Variants in JAKMIP2 observed in about 807,000 individuals in gnomAD.
The protein encoded by JAKMIP2 is janus kinase and microtubule-interacting protein 2.
JAKMIP2 carries 25 observed loss-of-function variants against 115.0 expected under a neutral mutation model. The ratio of observed to expected loss-of-function variants is 0.22; its 90% confidence interval spans 0.16 to 0.30. The LOEUF (loss-of-function observed/expected upper bound fraction) is 0.30. Ranked by LOEUF, JAKMIP2 falls within the 10% of genes least tolerant of loss-of-function variation. The pLI is 1.00. For missense variants in JAKMIP2, 642 were observed against 957.6 expected, an observed-to-expected ratio of 0.67 and a Z score of 4.35; for synonymous variants, 334 against 343.6, an observed-to-expected ratio of 0.97 and a Z score of 0.31.
intron 1 of JAKMIP2, among the ~76,000 whole-genome samples, chr5:147,694,503 A>T (rs189934833): frequency 6.6e-6 from 1 of 152,188 alleles, no homozygotes. Context: ...TACAGATCCT[A>T]TAATTGTCTA....
intron 4 of JAKMIP2, 21 bp downstream of exon 4, chr5:147,650,317 C>T (rs1433854597): frequency 6.7e-7 from 1 of 1,498,786 alleles, no homozygotes; most frequent in East Asian, 2.3e-5. Flanking sequence ...GCATTCTTAA[C>T]TTCAACTAGA....
At chr5:147,739,837 C>T (rs893252499) in intron 1 of JAKMIP2, among the ~76,000 whole-genome samples, 6 of 152,008 alleles carry the variant, frequency 3.9e-5, no homozygotes, top group African/African-American at 9.6e-5. Flanking sequence ...TGAAGTTAGA[C>T]TGTCTGTGAT....
At chr5:147,712,231 C>T (rs1752809621) in intron 1 of JAKMIP2, among the ~76,000 whole-genome samples, 1 of 152,174 alleles carries the variant, frequency 6.6e-6, no homozygotes, top group South Asian at 2.1e-4. Context: ...TTTCCAGCCA[C>T]TCCAGGAAAT....
chr5:147,712,006 T>A (rs938721836), intron 1 of JAKMIP2, among the ~76,000 whole-genome samples: 8 of 152,256 alleles, frequency 5.3e-5, no homozygotes, highest in Non-Finnish European at 7.3e-5. Flanking sequence ...TATACAACTT[T>A]AAACCAGTTA....
intron 1 of JAKMIP2, among the ~76,000 whole-genome samples, chr5:147,781,636 G>A (rs1328455088): frequency 1.3e-5 from 2 of 152,108 alleles, no homozygotes; most frequent in African/African-American, 4.8e-5. Flanking sequence ...GTTCCAATCG[G>A]TCACAATGAA....
chr5:147,675,018 C>T (rs910321930), intron 1 of JAKMIP2, among the ~76,000 whole-genome samples: 5 of 152,182 alleles, frequency 3.3e-5, no homozygotes, highest in East Asian at 3.8e-4. Flanking sequence ...AATTTTTAAA[C>T]GTTACTATTG....
At chr5:147,720,154 T>C (rs191541241) in intron 1 of JAKMIP2, among the ~76,000 whole-genome samples, 23 of 152,120 alleles carry the variant, frequency 1.5e-4, no homozygotes, top group Admixed American at 1.3e-4. Flanking sequence ...AATTCTTGTC[T>C]TTAAGAATGT....
In JAKMIP2 at chr5:147,587,470, A is replaced by T. The variant is rs1258815914; in HGVS notation, c.*4237T>A. The T allele has an allele frequency of 6.6e-6, 1 of 152,044 alleles. No individual in the cohort carries two copies. Among genetic ancestry groups the T allele is most frequent in the African/African-American group, 2.4e-5 (1 of 41,378 alleles). 9.4% of individuals were successfully genotyped at this position (152,044 alleles called of 1,614,324 possible). A position where few individuals can be genotyped will look rare whatever the true frequency, so the allele number is the denominator to read the frequency against. ...TGTGTGTATTCTGTGCCACTCTTTG[A>T]CAGATTGAAATAATGCAATTAAATA... On this transcript the variant is annotated 3_prime_UTR_variant, in exon 22 of 22. Coordinates refer to ENST00000616793, the MANE Select transcript of JAKMIP2 (RefSeq NM_001270941.2).
intron 1 of JAKMIP2, among the ~76,000 whole-genome samples, chr5:147,767,578 C>T (rs533497003): frequency 9.2e-5 from 14 of 152,182 alleles, no homozygotes; most frequent in Non-Finnish European, 1.3e-4. Context: ...TCATTAAGTA[C>T]TCAGTGACCT....
At chr5:147,664,720 C>T (rs916856413) in intron 2 of JAKMIP2, among the ~76,000 whole-genome samples, 2 of 152,114 alleles carry the variant, frequency 1.3e-5, no homozygotes, top group African/African-American at 4.8e-5. Flanking sequence ...GTCCTCATCA[C>T]CTCCTCTTCT....
intron 3 of JAKMIP2, among the ~76,000 whole-genome samples, chr5:147,659,404 G>C (rs118169696): frequency 5.5e-3 from 839 of 152,122 alleles, no homozygotes; most frequent in Non-Finnish European, 9.1e-3. Context: ...TGGATACCTC[G>C]ATTGGAAAAG....
At chr5:147,636,897 A>C (rs1042454737) in intron 11 of JAKMIP2, 68 bp downstream of exon 11, 20 of 863,338 alleles carry the variant, frequency 2.3e-5, no homozygotes, top group Middle Eastern at 2.2e-4. Context: ...GCCCATGCAC[A>C]GGTGAGCTAC....
intron 1 of JAKMIP2, among the ~76,000 whole-genome samples, chr5:147,676,293 G>T (rs1759959596): frequency 1.3e-5 from 2 of 152,132 alleles, no homozygotes; most frequent in Admixed American, 1.3e-4. Context: ...CCAAGATCAC[G>T]CCACTGCGCT....
chr5:147,656,371 T>C (rs925415477), intron 3 of JAKMIP2, among the ~76,000 whole-genome samples: 2 of 152,232 alleles, frequency 1.3e-5, no homozygotes, highest in African/African-American at 4.8e-5. Flanking sequence ...TGGGTGCTCC[T>C]ATATTGGGTG....
At chr5:147,715,384 A>G (rs1441777982) in intron 1 of JAKMIP2, among the ~76,000 whole-genome samples, 2 of 151,678 alleles carry the variant, frequency 1.3e-5, no homozygotes, top group East Asian at 3.9e-4. Context: ...AAAATAACCA[A>G]ACAGAAATCC....
At chr5:147,710,281 T>C (rs2126909500) in intron 1 of JAKMIP2, among the ~76,000 whole-genome samples, 1 of 152,322 alleles carries the variant, frequency 6.6e-6, no homozygotes, top group East Asian at 1.9e-4. Flanking sequence ...TTTCATATTA[T>C]AAATGCTTTA....
intron 21 of JAKMIP2, among the ~76,000 whole-genome samples, 170 bp downstream of exon 21, chr5:147,601,571 C>T (rs563368205): frequency 2.6e-4 from 39 of 152,086 alleles, no homozygotes; most frequent in African/African-American, 9.4e-4. Context: ...CCACTGTATT[C>T]CAGCCTGGGT....
At chr5:147,756,905 A>G (rs1438909172) in intron 1 of JAKMIP2, among the ~76,000 whole-genome samples, 3 of 152,178 alleles carry the variant, frequency 2.0e-5, no homozygotes, top group Non-Finnish European at 4.4e-5. Flanking sequence ...TGTGTTCTGT[A>G]AACTGTGCTA....
At chr5:147,646,493 A>G (rs1177104123) in intron 5 of JAKMIP2, among the ~76,000 whole-genome samples, 1 of 152,120 alleles carries the variant, frequency 6.6e-6, no homozygotes, top group African/African-American at 2.4e-5. Flanking sequence ...CATAAAGAAA[A>G]TATCTATAAT....
Sources: gnomAD v4.1 joint callset for allele counts (sites outside exome capture counted in the v4.1 genomes callset) on GRCh38, gnomAD v4.1.1 for gene constraint, MANE v1.5 for transcripts, NCBI Gene and HGNC (gene_info 2026-07-23, HGNC 2026-07-21) for gene names.